The following UNC13D variants were observed in gnomAD, a reference collection of about 807,000 sequenced individuals.
The protein encoded by UNC13D is unc-13 homolog D.
A neutral mutation model predicts 151.7 loss-of-function variants in UNC13D; 115 were observed. That is an observed-to-expected ratio of 0.76 (90% CI 0.65 to 0.88). The LOEUF (loss-of-function observed/expected upper bound fraction) is 0.88, where lower values mean the gene tolerates loss of function less well. Among genes scored for constraint, UNC13D ranks in the 40% least tolerant of loss-of-function variants. The probability of loss-of-function intolerance (pLI) is 0.00; values close to 1 mark genes in which losing one functional copy is unlikely to be tolerated. For synonymous variants in UNC13D, 588 were observed against 612.2 expected, an observed-to-expected ratio of 0.96 and a Z score of 0.58; for missense variants, 1,369 against 1,438.7, an observed-to-expected ratio of 0.95 and a Z score of 0.78.
At chr17:75,834,173 G>T (rs369854147) in intron 23 of UNC13D, 30 bp from the exon 24 acceptor site, 3 of 1,612,928 alleles carry the variant, frequency 1.9e-6, no homozygotes, top group African/African-American at 2.7e-5. Flanking sequence ...GAAGGAGGGA[G>T]GTCAGGGCAT....
chr17:75,833,975 C>T lies in UNC13D; in HGVS notation c.2367+100G>A. On this transcript the variant is annotated intron_variant, in intron 24 of 31. Transcript: ENST00000207549. This position sits in a 1 kb window ranked among gnomAD's most constrained non-coding sequence, Gnocchi z 4.0. ...GGCCCAGGGAGAGAACATGCTTTGC[C>T]TGGTCTGGGGGACTTATCTTTGACA... 1 of 1,463,804 alleles carries T rather than the reference C, an allele frequency of 6.8e-7. No individual in the cohort carries two copies. The highest frequency in any genetic ancestry group is 9.5e-7 in the Non-Finnish European group (1 of 1,050,242). 90.7% of individuals were successfully genotyped at this position (1,463,804 alleles called of 1,614,324 possible).
Position 75,828,865 on chromosome 17 carries a change from C to A in UNC13D, c.3073G>T (p.Val1025Leu), listed in dbSNP as rs763271797. 2 of 1,599,546 alleles carry A rather than the reference C, an allele frequency of 1.3e-6. No individual in the cohort carries two copies. Among genetic ancestry groups the A allele is most frequent in the East Asian group, 2.2e-5 (1 of 44,472 alleles). ...TCCTCAGAGCCACTCAGCCCGGGCA[C>A]CTCACGCAGCGGCAGGAAGGCCTCG... ...EGEAFLPLRE[V>L]PGLSGSEEPG... Residue 1025 changes from valine (V) to leucine (L), a missense_variant, in exon 31 of 32, where the codon GTG (valine) becomes TTG (leucine). Coordinates refer to ENST00000207549, the MANE Select transcript of UNC13D (RefSeq NM_199242.3).
At position 75,835,651 on chromosome 17, in the gene UNC13D, C is replaced by G; in HGVS notation, c.1723G>C (p.Glu575Gln). ...ELCQLRMSSS[E>Q]RDGVLALDNF... The stretch of plus-strand genomic sequence containing the variant: ...CACAATTGGCCTGCTGCCCACCTCT[C>G]TGAGGAGCTCATGCGCAGCTGGCAG... Residue 575 changes from glutamate (E) to glutamine (Q), a missense_variant, in exon 19 of 32, where the codon GAG becomes CAG. This residue lies in a region of UNC13D where 807 missense variants were observed against 795.5 expected (regional missense o/e 1.01). Coordinates refer to ENST00000207549, the MANE Select transcript of UNC13D (RefSeq NM_199242.3). 1 of 1,613,316 alleles carries G rather than the reference C, an allele frequency of 6.2e-7. No homozygotes were observed. Among genetic ancestry groups the G allele is most frequent in the Middle Eastern group, 1.6e-4 (1 of 6,062 alleles).
At chr17:75,831,712 C>G (rs1383668607) in intron 25 of UNC13D, 1 of 289,694 alleles carries the variant, frequency 3.5e-6, no homozygotes, top group African/African-American at 2.1e-5. Context: ...CCTGTAATCC[C>G]AGCACTTTGG....
In UNC13D at chr17:75,843,043, G is replaced by T; in HGVS notation, c.292C>A (p.Gln98Lys). 1 of 1,611,108 alleles carries T rather than the reference G, an allele frequency of 6.2e-7. No individual in the cohort carries two copies. The highest frequency in any genetic ancestry group is 8.5e-7 in the Non-Finnish European group (1 of 1,179,698). Residue 98 changes from glutamine to lysine, a missense_variant, in exon 4 of 32, where the codon CAG becomes AAG. Physicochemically the swap from Gln to Lys is moderately conservative, Grantham distance 53. Transcript: ENST00000207549. Reference protein sequence around the residue: ...AFHVEPEEHQQTLQRVRELEK... With the variant: ...AFHVEPEEHQKTLQRVRELEK... ...AGCTCCCTGACCCGCTGCAGTGTCT[G>T]CTGGTGCTCCTCGGGCTCCACGTGG...
Position 75,829,616 on chromosome 17 carries a change from T to G in UNC13D, c.2954+412A>C, listed in dbSNP as rs1166382701. The G allele has an allele frequency of 4.7e-4, 46 of 98,564 alleles. No homozygotes were observed. In the East Asian group the frequency reaches 0.012, roughly 26 times the overall value. 6.1% of individuals were successfully genotyped at this position (98,564 alleles called of 1,614,324 possible). On this transcript the variant is annotated intron_variant, in intron 30 of 31. Coordinates refer to ENST00000207549, the MANE Select transcript of UNC13D (RefSeq NM_199242.3). ...CCCTCTTTTTTTTTTTTTTTTTTTT[T>G]GAGATGGAGTCTCACTCTGTCGCCC...
At chr17:75,839,546 G>A (rs2064932784) in intron 12 of UNC13D, among the ~76,000 whole-genome samples, 3 of 152,110 alleles carry the variant, frequency 2.0e-5, no homozygotes, top group African/African-American at 4.8e-5. Context: ...GTCTCACTCT[G>A]TGATCCGGGC....
rs2064879773 is a variant in UNC13D, at chr17:75,832,684, T to C, written c.2447+282A>G. 2 of 379,576 alleles carry C rather than the reference T, an allele frequency of 5.3e-6. No homozygotes were observed. The highest frequency in any genetic ancestry group is 4.7e-5 in the East Asian group (1 of 21,354). The allele number at this position is 379,576 out of a possible 1,614,324, so 23.5% of individuals were successfully genotyped here. The stretch of plus-strand genomic sequence containing the variant: ...GCACTCAGAGCTAGGCAGCAGGAAA[T>C]GGGGAGGCCTGAGAAGTGGCAAGCT... On this transcript the variant is annotated intron_variant, in intron 25 of 31. Coordinates refer to ENST00000207549, the MANE Select transcript of UNC13D (RefSeq NM_199242.3). The surrounding 1 kb of genome is among the most constrained non-coding windows in gnomAD (Gnocchi z 4.3).
At position 75,827,409 on chromosome 17, in the gene UNC13D, T is replaced by C; in HGVS notation, c.*556A>G. On this transcript the variant is annotated 3_prime_UTR_variant, in exon 32 of 32. Transcript: ENST00000207549. The stretch of plus-strand genomic sequence containing the variant: ...TTGCTCCCTCAGAGCCAGAAGGTTC[T>C]TGGCTCCAGGCTTCCTGGCCTGGAT... The C allele has an allele frequency of 1.4e-6, 2 of 1,405,150 alleles. No homozygotes were observed. The highest frequency in any genetic ancestry group is 1.9e-6 in the Non-Finnish European group (2 of 1,078,842). 87.0% of individuals were successfully genotyped at this position (1,405,150 alleles called of 1,614,324 possible).
intron 27 of UNC13D, 89 bp downstream of exon 27, chr17:75,831,009 T>G: frequency 6.7e-7 from 1 of 1,484,688 alleles, no homozygotes; most frequent in Non-Finnish European, 9.3e-7. Context: ...CTGGGCCCCA[T>G]AAATTATGTA....
chr17:75,835,313 G>C, intron 20 of UNC13D, 96 bp downstream of exon 20: 4 of 1,499,586 alleles, frequency 2.7e-6, no homozygotes, highest in South Asian at 1.2e-5. Flanking sequence ...TGTTCAGAGC[G>C]GGTTACTGGC....
In UNC13D at chr17:75,830,333, G is replaced by C. The variant is rs757367802; in HGVS notation, c.2830+29C>G. ...ACAGGAGGGCCAGGACGGGACCATG[G>C]AGAGTGGCCAAAGGCAGCCTCCACT... On this transcript the variant is annotated intron_variant, in intron 29 of 31. Transcript: ENST00000207549. 4 of 1,588,812 alleles carry C rather than the reference G, an allele frequency of 2.5e-6. No individual in the cohort carries two copies. The South Asian group carries it at 3.4e-5, about 14-fold the overall frequency.
In UNC13D at chr17:75,836,043, A is replaced by T. The variant is rs1241707230; in HGVS notation, c.1513T>A (p.Cys505Ser). The change falls in exon 17 of 32, where the codon TGC becomes AGC. Residue 505 changes from cysteine to serine, a missense_variant. Physicochemically the swap from Cys to Ser is moderately radical, Grantham distance 112. Transcript: ENST00000207549. ...AAGATCTTGTCCCATGTGCGCTGGC[A>T]CTGGTGCAGGTCGCCAATGACATCC... ...VQDVIGDLHQCQRTWDKIFHN... is the reference protein window; with the variant it reads ...VQDVIGDLHQSQRTWDKIFHN... The T allele has an allele frequency of 2.5e-6, 4 of 1,613,970 alleles. No homozygotes were observed. The highest frequency in any genetic ancestry group is 3.4e-6 in the Non-Finnish European group (4 of 1,180,020).
chr17:75,829,032 A>C (rs1409639652), intron 30 of UNC13D, 49 bp from the exon 31 acceptor site: 1 of 1,583,870 alleles, frequency 6.3e-7, no homozygotes, highest in Non-Finnish European at 8.5e-7. Flanking sequence ...CAGCCACCCC[A>C]GCCTCGGCAC....
intron 12 of UNC13D, among the ~76,000 whole-genome samples, chr17:75,838,410 G>T (rs534797815): frequency 2.6e-5 from 4 of 151,914 alleles, no homozygotes. Context: ...GTAGAGACAG[G>T]ATTTCACCAT....
chr17:75,839,079 G>C (rs978746162), intron 12 of UNC13D, among the ~76,000 whole-genome samples: 1 of 150,344 alleles, frequency 6.7e-6, no homozygotes, highest in African/African-American at 2.4e-5. Context: ...CGGCCTGGGC[G>C]AAAGAGCAAG....
Position 75,835,284 on chromosome 17 carries a change from C to G in UNC13D, c.1848+125G>C, listed in dbSNP as rs941535963. On this transcript the variant is annotated intron_variant, in intron 20 of 31. Transcript: ENST00000207549. The stretch of plus-strand genomic sequence containing the variant: ...GCAGCGTTTTGCACAAAACTGGACT[C>G]AAGTGCACCCAAAAGGGATGTTCAG... 10 of 1,396,500 alleles carry G rather than the reference C, an allele frequency of 7.2e-6. No homozygotes were observed. The African/African-American group carries it at 1.4e-4, about 20-fold the overall frequency. 86.5% of individuals were successfully genotyped at this position (1,396,500 alleles called of 1,614,324 possible).
rs775121292 is a variant in UNC13D at position 75,842,413 on chromosome 17, G to A, written c.569+20C>T. The A allele has an allele frequency of 6.2e-7, 1 of 1,604,112 alleles. No homozygotes were observed. Among genetic ancestry groups the A allele is most frequent in the South Asian group, 1.1e-5 (1 of 90,650 alleles). On this transcript the variant is annotated intron_variant, in intron 6 of 31. Coordinates refer to ENST00000207549, the MANE Select transcript of UNC13D (RefSeq NM_199242.3). ...CAGGAAAGACCTGGATAGAGTGGGG[G>A]CTGGAGCACGGCCACGTACAGGATG...
chr17:75,837,806 C>T (rs1009143186), intron 12 of UNC13D, among the ~76,000 whole-genome samples: 1 of 151,492 alleles, frequency 6.6e-6, no homozygotes, highest in Non-Finnish European at 1.5e-5. Flanking sequence ...CCTGAGCCTT[C>T]GTGCACATGT....
Sources: gnomAD v4.1 joint callset for allele counts (sites outside exome capture counted in the v4.1 genomes callset) on GRCh38, gnomAD v4.1.1 for gene constraint, gnomAD v4.1.1 regional missense constraint, Gnocchi (gnomAD v3.1) non-coding constraint, MANE v1.5 for transcripts, NCBI Gene and HGNC (gene_info 2026-07-23, HGNC 2026-07-21) for gene names.